TMEM135: variants seen among roughly 807,000 people sequenced by gnomAD.
TMEM135 encodes transmembrane protein 135.
In TMEM135, 30 loss-of-function variants were observed where a neutral mutation model predicts 60.3. That is an observed-to-expected ratio of 0.50 (90% CI 0.37 to 0.68). TMEM135 has a LOEUF of 0.68. Among genes scored for constraint, TMEM135 ranks in the 30% least tolerant of loss-of-function variants. TMEM135 has a pLI of 0.00. For missense variants in TMEM135, 468 were observed against 548.8 expected, an observed-to-expected ratio of 0.85 and a Z score of 1.47; for synonymous variants, 190 against 186.7, an observed-to-expected ratio of 1.02 and a Z score of -0.14.
At chr11:87,181,086 A>G (rs1939502251) in intron 5 of TMEM135, among the ~76,000 whole-genome samples, 1 of 152,236 alleles carries the variant, frequency 6.6e-6, no homozygotes, top group Non-Finnish European at 1.5e-5. Flanking sequence ...AAGTGAACAG[A>G]AAGAATGAAG....
intron 6 of TMEM135, among the ~76,000 whole-genome samples, chr11:87,241,849 T>A (rs12793915): frequency 0.026 from 3,522 of 136,652 alleles, 61 homozygotes; most frequent in Admixed American, 0.045. Context: ...CCTTTTTTTT[T>A]AAAAAAAAAT....
At chr11:87,199,128 G>A (rs577288386) in intron 5 of TMEM135, among the ~76,000 whole-genome samples, 8 of 152,184 alleles carry the variant, frequency 5.3e-5, no homozygotes, top group Admixed American at 3.9e-4. Context: ...TCGGGAGGCC[G>A]AGGCAGACAG....
chr11:87,309,479 C>G lies in TMEM135; in HGVS notation c.769-26C>G, dbSNP rs185491388. The G allele has an allele frequency of 3.8e-5, 62 of 1,612,856 alleles. No homozygotes were observed. In the Admixed American group the frequency reaches 8.2e-4, roughly 21 times the overall value. Reference sequence around the variant, plus strand: ...AAAACTTCAAAATTTGTTTGTAAATCAGGTTTTTCTCCAAATTTCCTCTAG... The same window carrying G: ...AAAACTTCAAAATTTGTTTGTAAATGAGGTTTTTCTCCAAATTTCCTCTAG... On this transcript the variant is annotated intron_variant, in intron 9 of 14. Coordinates refer to ENST00000305494, the MANE Select transcript of TMEM135 (RefSeq NM_022918.4).
intron 5 of TMEM135, among the ~76,000 whole-genome samples, chr11:87,220,724 A>G (rs1462909790): frequency 3.3e-5 from 5 of 152,232 alleles, no homozygotes; most frequent in Non-Finnish European, 5.9e-5. Context: ...AACCTGTAAG[A>G]TATTTTTAAA....
rs546544293 is a variant in TMEM135 at position 87,247,738 on chromosome 11, A to C, written c.509+11054A>C. Reference sequence around the variant, plus strand: ...GCAGTATTAGGGTGGGAGTGACCCGATTTTCCAGGTGCCGTCTGTCACCCC... The same window carrying C: ...GCAGTATTAGGGTGGGAGTGACCCGCTTTTCCAGGTGCCGTCTGTCACCCC... On this transcript the variant is annotated intron_variant, in intron 6 of 14. Coordinates refer to ENST00000305494, the MANE Select transcript of TMEM135 (RefSeq NM_022918.4). Among the ~76,000 whole-genome samples the C allele has an allele frequency of 2.8e-3, 433 of 152,086 alleles. 2 individuals carry two copies. Among genetic ancestry groups the C allele is most frequent in the African/African-American group, 9.2e-3 (381 of 41,498 alleles).
Position 87,172,212 on chromosome 11 carries a change from CT to C in TMEM135, c.462+14807del, listed in dbSNP as rs1350005554. ...GTATCTATATTTTTTAAAATGTCCG[CT>C]GATTTTAATACTTAGCTACTGTTGT... On this transcript the variant is annotated intron_variant, in intron 5 of 14. Coordinates refer to ENST00000305494, the MANE Select transcript of TMEM135 (RefSeq NM_022918.4). Among the ~76,000 whole-genome samples the C allele has an allele frequency of 2.0e-5, 3 of 152,036 alleles. No individual in the cohort carries two copies. In the East Asian group the frequency reaches 5.8e-4, roughly 29 times the overall value.
At chr11:87,302,243 C>A in intron 7 of TMEM135, 53 bp from the exon 8 acceptor site, 1 of 1,559,052 alleles carries the variant, frequency 6.4e-7, no homozygotes, top group African/African-American at 1.4e-5. Context: ...TTTTTTTTTC[C>A]TCATTGACTA....
intron 1 of TMEM135, 94 bp from the exon 2 acceptor site, chr11:87,067,600 T>C: frequency 6.5e-7 from 1 of 1,530,032 alleles, no homozygotes; most frequent in East Asian, 2.3e-5. Flanking sequence ...CTTTAACTTA[T>C]AAATATATGC....
intron 4 of TMEM135, among the ~76,000 whole-genome samples, chr11:87,116,446 T>C (rs896237472): frequency 3.5e-4 from 54 of 152,190 alleles, no homozygotes; most frequent in Non-Finnish European, 1.9e-4. Context: ...ATTTTGTGTT[T>C]ATTACTGGGT....
intron 6 of TMEM135, among the ~76,000 whole-genome samples, chr11:87,266,049 G>A (rs919792115): frequency 3.3e-5 from 5 of 152,082 alleles, no homozygotes; most frequent in African/African-American, 4.8e-5. Flanking sequence ...AATGAAAAAG[G>A]AAATATTTAT....
intron 5 of TMEM135, among the ~76,000 whole-genome samples, chr11:87,226,791 T>C (rs893205430): frequency 3.3e-5 from 5 of 152,200 alleles, no homozygotes; most frequent in African/African-American, 1.2e-4. Flanking sequence ...ATGCCTGTAA[T>C]CCCAGCACTT....
chr11:87,208,552 T>A (rs940122518), intron 5 of TMEM135, among the ~76,000 whole-genome samples: 1 of 152,088 alleles, frequency 6.6e-6, no homozygotes, highest in Non-Finnish European at 1.5e-5. Context: ...CTAAGAAATA[T>A]GGGATTAGGT....
At chr11:87,095,540 T>C (rs1483666763) in intron 4 of TMEM135, 1 of 199,598 alleles carries the variant, frequency 5.0e-6, no homozygotes, top group East Asian at 1.2e-4. Context: ...TCTGATACAT[T>C]TAAGCCTGTC....
intron 3 of TMEM135, among the ~76,000 whole-genome samples, chr11:87,079,604 C>T (rs1856943733): frequency 1.3e-5 from 2 of 151,092 alleles, no homozygotes; most frequent in South Asian, 4.2e-4. Context: ...TCTGTATGTC[C>T]TTTTTTCTGC....
chr11:87,195,649 A>G (rs1220426413), intron 5 of TMEM135, among the ~76,000 whole-genome samples: 1 of 152,042 alleles, frequency 6.6e-6, no homozygotes, highest in Non-Finnish European at 1.5e-5. Context: ...ACCTCAGGCA[A>G]TCTGCCAGCC....
At chr11:87,168,922 T>G (rs1392857349) in intron 5 of TMEM135, among the ~76,000 whole-genome samples, 1 of 152,128 alleles carries the variant, frequency 6.6e-6, no homozygotes, top group African/African-American at 2.4e-5. Context: ...CCACTATTAT[T>G]GTGTGGGAGT....
At chr11:87,123,000 G>A (rs1406505675) in intron 4 of TMEM135, among the ~76,000 whole-genome samples, 3 of 152,154 alleles carry the variant, frequency 2.0e-5, no homozygotes, top group South Asian at 2.1e-4. Context: ...CTTTGCCAGC[G>A]TAGAATGAAA....
intron 6 of TMEM135, among the ~76,000 whole-genome samples, chr11:87,268,964 A>G (rs1355132918): frequency 2.6e-5 from 4 of 152,018 alleles, no homozygotes; most frequent in African/African-American, 7.2e-5. Context: ...TAAGTTTCTT[A>G]TAAGTTTATT....
intron 4 of TMEM135, among the ~76,000 whole-genome samples, chr11:87,136,840 G>A (rs913690564): frequency 2.0e-5 from 3 of 151,956 alleles, no homozygotes; most frequent in South Asian, 2.1e-4. Context: ...TGAAGAGTTT[G>A]TAGTTTGTGT....
Sources: allele counts gnomAD v4.1 joint callset (sites outside exome capture counted in the v4.1 genomes callset), GRCh38; gene constraint gnomAD v4.1.1; transcripts MANE v1.5; gene names NCBI Gene and HGNC (gene_info 2026-07-23, HGNC 2026-07-21).